The following RALGPS1 variants were observed in gnomAD, a reference collection of about 807,000 sequenced individuals.
RALGPS1 encodes the protein ras-specific guanine nucleotide-releasing factor RalGPS1.
RALGPS1 carries 19 observed loss-of-function variants against 78.8 expected under a neutral mutation model. The ratio of observed to expected loss-of-function variants is 0.24; its 90% CI spans 0.17 to 0.35. The LOEUF is 0.35. RALGPS1 is among the 10% of genes least tolerant of loss of function. RALGPS1 has a pLI of 1.00. For synonymous variants in RALGPS1, 228 were observed against 256.3 expected (o/e 0.89, Z 1.06); for missense variants, 454 against 688.3 (o/e 0.66, Z 3.81).
chr9:127,179,879 T>C (rs1485595605), intron 11 of RALGPS1, among the ~76,000 whole-genome samples: 1 of 152,184 alleles, frequency 6.6e-6, no homozygotes, highest in African/African-American at 2.4e-5. Flanking sequence ...TTTGAGGCCT[T>C]GATTCAAGTC....
At chr9:126,943,713 C>T (rs2036986807) in intron 1 of RALGPS1, among the ~76,000 whole-genome samples, 1 of 152,128 alleles carries the variant, frequency 6.6e-6, no homozygotes, top group African/African-American at 2.4e-5. Context: ...AAGTCTTTCT[C>T]CTACCGCTGC....
chr9:127,220,804 T>C lies in RALGPS1; in HGVS notation c.*2035T>C, dbSNP rs2062753338. 6.6e-6 allele frequency: 1 copy of C among 152,466 alleles called. No individual in the cohort carries two copies. The highest frequency in any genetic ancestry group is 1.5e-5 in the Non-Finnish European group (1 of 68,046). The allele number at this position is 152,466 out of a possible 1,614,324, so 9.4% of individuals were successfully genotyped here. A position where few individuals can be genotyped will look rare whatever the true frequency, so the allele number is the denominator to read the frequency against. On this transcript the variant is annotated 3_prime_UTR_variant, in exon 19 of 19. Coordinates refer to ENST00000259351, the MANE Select transcript of RALGPS1 (RefSeq NM_014636.3). The stretch of plus-strand genomic sequence containing the variant: ...TTTTCCACTCTGCAAACTGTCCTGG[T>C]TTTTCACACCAATGAAGTATTATAG...
At chr9:127,001,968 A>G (rs903982960) in intron 4 of RALGPS1, among the ~76,000 whole-genome samples, 1 of 152,220 alleles carries the variant, frequency 6.6e-6, no homozygotes, top group African/African-American at 2.4e-5. Context: ...GTTAAAGTCT[A>G]TTATCTTTTA....
intron 13 of RALGPS1, 92 bp downstream of exon 13, chr9:127,196,723 G>A: frequency 1.4e-6 from 2 of 1,413,030 alleles, no homozygotes; most frequent in South Asian, 2.9e-5. Flanking sequence ...GCCATGCCCA[G>A]TGGCGCTATC....
At chr9:127,210,519 G>C in intron 14 of RALGPS1, 1 of 597,956 alleles carries the variant, frequency 1.7e-6, no homozygotes, top group Non-Finnish European at 3.0e-6. Context: ...TGGCCTGGCA[G>C]CTCCAGGTGT....
At chr9:127,123,064 C>A (rs371128823) in intron 8 of RALGPS1, among the ~76,000 whole-genome samples, 1 of 152,246 alleles carries the variant, frequency 6.6e-6, no homozygotes, top group East Asian at 1.9e-4. Context: ...GGGTCCTCCC[C>A]CTGGATGCCT....
At chr9:127,115,246 A>G (rs973842798) in intron 8 of RALGPS1, among the ~76,000 whole-genome samples, 7 of 151,950 alleles carry the variant, frequency 4.6e-5, no homozygotes, top group African/African-American at 1.5e-4. Flanking sequence ...CTGGAGTGCA[A>G]TGGCACCATC....
At chr9:127,007,698 C>T (rs917215797) in intron 4 of RALGPS1, among the ~76,000 whole-genome samples, 21 of 152,174 alleles carry the variant, frequency 1.4e-4, no homozygotes. Flanking sequence ...ACTGAAAGAA[C>T]ACATTTCAGC....
rs185848555 is a variant in RALGPS1 at position 127,127,913 on chromosome 9, A to C, written c.611-38156A>C. Among the ~76,000 whole-genome samples, 567 of 152,272 alleles carry C rather than the reference A, an allele frequency of 3.7e-3. 2 individuals carry two copies. The highest frequency in any genetic ancestry group is 0.013 in the African/African-American group (533 of 41,542). ...TATTATACTTTAAGTTCTGGGGTAT[A>C]TGTGCACAACGTGCAGGTTTTTTAC... On this transcript the variant is annotated intron_variant, in intron 8 of 18. Transcript: ENST00000259351.
intron 8 of RALGPS1, among the ~76,000 whole-genome samples, chr9:127,132,541 G>A (rs1186125120): frequency 1.3e-5 from 2 of 152,324 alleles, no homozygotes; most frequent in East Asian, 1.9e-4. Context: ...CATTGCCTTT[G>A]GGTCTCCAGT....
intron 8 of RALGPS1, among the ~76,000 whole-genome samples, chr9:127,152,154 T>C (rs1183517732): frequency 6.6e-6 from 1 of 152,238 alleles, no homozygotes; most frequent in African/African-American, 2.4e-5. Flanking sequence ...TCTTGTACTG[T>C]ATTCAAAAGA....
intron 4 of RALGPS1, among the ~76,000 whole-genome samples, chr9:126,983,729 G>A (rs932215325): frequency 6.6e-6 from 1 of 151,958 alleles, no homozygotes; most frequent in Admixed American, 6.6e-5. Context: ...TTATTGAAAG[G>A]TTAGTCGCAC....
intron 4 of RALGPS1, among the ~76,000 whole-genome samples, chr9:126,992,320 A>G (rs2042349671): frequency 6.6e-6 from 1 of 152,234 alleles, no homozygotes; most frequent in Non-Finnish European, 1.5e-5. Context: ...TTTGATATGT[A>G]TGTATCTGTA....
chr9:127,007,811 C>T (rs887178835), intron 4 of RALGPS1, among the ~76,000 whole-genome samples: 4 of 152,064 alleles, frequency 2.6e-5, no homozygotes, highest in South Asian at 2.1e-4. Flanking sequence ...CAGTGTGGAT[C>T]GTCCGCTGAT....
intron 8 of RALGPS1, among the ~76,000 whole-genome samples, chr9:127,150,257 C>A (rs982036665): frequency 6.6e-6 from 1 of 152,194 alleles, no homozygotes. Context: ...CTCCCTTGAC[C>A]CAGGAGCCTC....
intron 1 of RALGPS1, among the ~76,000 whole-genome samples, chr9:126,926,296 G>C (rs2130968611): frequency 6.6e-6 from 1 of 152,346 alleles, no homozygotes; most frequent in East Asian, 1.9e-4. Context: ...ACCAAGACTT[G>C]ACAGATAGAA....
At chr9:127,085,932 T>C (rs1368784819) in intron 8 of RALGPS1, among the ~76,000 whole-genome samples, 1 of 152,146 alleles carries the variant, frequency 6.6e-6, no homozygotes, top group Non-Finnish European at 1.5e-5. Flanking sequence ...GACTAGGGGC[T>C]TAGGAGAAGG....
At chr9:127,047,690 C>T (rs1220350791) in intron 5 of RALGPS1, among the ~76,000 whole-genome samples, 2 of 147,442 alleles carry the variant, frequency 1.4e-5, no homozygotes, top group South Asian at 2.2e-4. Flanking sequence ...CAGAGCGAGA[C>T]GCCCTCTCAA....
chr9:127,141,354 A>T (rs2057759729), intron 8 of RALGPS1, among the ~76,000 whole-genome samples: 1 of 152,146 alleles, frequency 6.6e-6, no homozygotes, highest in Non-Finnish European at 1.5e-5. Context: ...TAACTTTCAA[A>T]TATTTTAAGT....
Sources: allele counts gnomAD v4.1 joint callset (sites outside exome capture counted in the v4.1 genomes callset), GRCh38; gene constraint gnomAD v4.1.1; transcripts MANE v1.5; gene names NCBI Gene and HGNC (gene_info 2026-07-23, HGNC 2026-07-21).